Variants in KDM4C observed in about 807,000 individuals in gnomAD.
The protein encoded by KDM4C is lysine-specific demethylase 4C.
In KDM4C, 81 loss-of-function variants were observed where a neutral mutation model predicts 129.3. That is an observed-to-expected ratio of 0.63 (90% confidence interval 0.52 to 0.75). The LOEUF (loss-of-function observed/expected upper bound fraction) is 0.75, where lower values mean the gene tolerates loss of function less well. Ranked by LOEUF, KDM4C falls within the 30% of genes least tolerant of loss-of-function variation. The pLI is 0.00. For missense variants in KDM4C, 1,457 were observed against 1,304.0 expected (o/e 1.12, Z -1.81); for synonymous variants, 573 against 456.1 (o/e 1.26, Z -3.26).
Position 6,853,033 on chromosome 9 carries a change from G to T in KDM4C, c.629+3333G>T, listed in dbSNP as rs539500629. 5.3e-5 allele frequency among the ~76,000 whole-genome samples: 8 copies of T among 151,756 alleles called. No homozygotes were observed. In the East Asian group the frequency reaches 9.7e-4, roughly 18 times the overall value. On this transcript the variant is annotated intron_variant, in intron 5 of 21. Transcript: ENST00000381309. ...TAAGGTCCATGGTTTTGTTTTTTTT[G>T]TGTGTGTTTTTTTTTCACCTTTGAA...
chr9:7,149,075 C>T (rs1842481772), intron 19 of KDM4C, among the ~76,000 whole-genome samples: 1 of 152,236 alleles, frequency 6.6e-6, no homozygotes, highest in South Asian at 2.1e-4. Flanking sequence ...TTATGGCACC[C>T]AGGTTTTCTG....
chr9:7,029,707 G>T (rs901925673), intron 15 of KDM4C, among the ~76,000 whole-genome samples: 7 of 152,174 alleles, frequency 4.6e-5, no homozygotes, highest in South Asian at 2.1e-4. Context: ...GTTTCTTCCA[G>T]GACCTTTCGG....
intron 15 of KDM4C, among the ~76,000 whole-genome samples, chr9:7,031,627 A>G (rs1273885809): frequency 6.6e-6 from 1 of 152,216 alleles, no homozygotes; most frequent in Middle Eastern, 3.2e-3. Context: ...ATACACACAC[A>G]GATACATATA....
intron 1 of KDM4C, among the ~76,000 whole-genome samples, chr9:6,792,196 A>G (rs1045747218): frequency 1.3e-4 from 19 of 151,738 alleles, no homozygotes; most frequent in Non-Finnish European, 2.8e-4. Context: ...CAAAAAAGGT[A>G]GCCCGGCATG....
chr9:7,174,509 T>G, intron 21 of KDM4C, 44 bp from the exon 22 acceptor site: 1 of 1,590,234 alleles, frequency 6.3e-7, no homozygotes, highest in South Asian at 1.1e-5. Context: ...GTTCTGAAGA[T>G]CAAATGCCGT....
At chr9:7,145,293 A>G (rs1298236960) in intron 19 of KDM4C, among the ~76,000 whole-genome samples, 1 of 152,150 alleles carries the variant, frequency 6.6e-6, no homozygotes, top group Non-Finnish European at 1.5e-5. Flanking sequence ...GATCACTAGA[A>G]TGGGACTTGA....
chr9:6,729,659 T>C (rs1817257965), intron 1 of KDM4C, among the ~76,000 whole-genome samples: 1 of 135,298 alleles, frequency 7.4e-6, no homozygotes, highest in African/African-American at 3.1e-5. Flanking sequence ...TATGGAAATA[T>C]ACTTTTAGAG....
intron 9 of KDM4C, among the ~76,000 whole-genome samples, chr9:6,983,183 C>T (rs1396136743): frequency 2.6e-5 from 4 of 152,164 alleles, no homozygotes; most frequent in Non-Finnish European, 5.9e-5. Context: ...TATCGCAGGC[C>T]ACCCTATTCT....
intron 18 of KDM4C, among the ~76,000 whole-genome samples, chr9:7,110,006 A>T (rs1838141210): frequency 6.6e-6 from 1 of 152,160 alleles, no homozygotes; most frequent in Admixed American, 6.5e-5. Context: ...CTTCTGCCTG[A>T]GGCCTCCCCA....
At chr9:6,924,329 C>A (rs1243574878) in intron 8 of KDM4C, among the ~76,000 whole-genome samples, 1 of 152,116 alleles carries the variant, frequency 6.6e-6, no homozygotes, top group East Asian at 1.9e-4. Flanking sequence ...AGTCTCTTAC[C>A]TGTCTGCCCA....
chr9:6,815,607 G>C (rs1386662926), intron 4 of KDM4C, among the ~76,000 whole-genome samples: 1 of 152,154 alleles, frequency 6.6e-6, no homozygotes, highest in African/African-American at 2.4e-5. Flanking sequence ...CACTAGTACA[G>C]GTTAAGCATC....
At chr9:7,160,604 T>C (rs1250360464) in intron 19 of KDM4C, among the ~76,000 whole-genome samples, 1 of 152,208 alleles carries the variant, frequency 6.6e-6, no homozygotes, top group African/African-American at 2.4e-5. Context: ...TGCAGGTCTG[T>C]TGGAGTTTGC....
Position 6,984,268 on chromosome 9 carries a change from C to G in KDM4C, c.1218C>G (p.Val406=). The G allele has an allele frequency of 2.5e-6, 4 of 1,613,868 alleles. No homozygotes were observed. The highest frequency in any genetic ancestry group is 3.4e-6 in the Non-Finnish European group (4 of 1,179,834). The change falls in exon 10 of 22, where the codon GTC becomes GTG. Residue 406 remains valine (V), a synonymous_variant. Coordinates refer to ENST00000381309, the MANE Select transcript of KDM4C (RefSeq NM_015061.6). The stretch of plus-strand genomic sequence containing the variant: ...CAGAGGTCCCTAACCCCGACTCAGT[C>G]ACAGATGACCTCAAGGTCAGTGAAA... ...DGAEVPNPDS[V]TDDLKVSEKS...
chr9:6,733,867 G>T (rs1170626428), intron 1 of KDM4C, among the ~76,000 whole-genome samples: 2 of 152,134 alleles, frequency 1.3e-5, no homozygotes, highest in Non-Finnish European at 2.9e-5. Context: ...ACTTCCTGAT[G>T]TTGCCATAGC....
intron 3 of KDM4C, among the ~76,000 whole-genome samples, chr9:6,811,789 T>C (rs1051511136): frequency 6.6e-6 from 1 of 152,036 alleles, no homozygotes; most frequent in Non-Finnish European, 1.5e-5. Context: ...GAAGCCTGAG[T>C]TTAAACATGT....
chr9:6,900,793 T>C (rs2130970622), intron 8 of KDM4C, among the ~76,000 whole-genome samples: 1 of 152,320 alleles, frequency 6.6e-6, no homozygotes, highest in Middle Eastern at 3.4e-3. Flanking sequence ...GAGCAAAGGT[T>C]TTCTACCTTC....
chr9:7,016,946 C>T (rs981198126), intron 15 of KDM4C, among the ~76,000 whole-genome samples: 2 of 152,096 alleles, frequency 1.3e-5, no homozygotes, highest in African/African-American at 4.8e-5. Flanking sequence ...GTTTATTTTT[C>T]TCTTTTTGAG....
At chr9:6,771,581 G>A (rs897220267) in intron 1 of KDM4C, among the ~76,000 whole-genome samples, 3 of 152,094 alleles carry the variant, frequency 2.0e-5, no homozygotes, top group African/African-American at 7.2e-5. Context: ...AAAGTGCTGG[G>A]ATTACAGGTG....
At chr9:6,949,003 C>G (rs529682466) in intron 8 of KDM4C, among the ~76,000 whole-genome samples, 24 of 152,376 alleles carry the variant, frequency 1.6e-4, no homozygotes, top group African/African-American at 5.3e-4. Context: ...TTGGGTACAC[C>G]TCCCAGACGG....
Sources: allele counts gnomAD v4.1 joint callset (sites outside exome capture counted in the v4.1 genomes callset), GRCh38; gene constraint gnomAD v4.1.1; transcripts MANE v1.5; gene names NCBI Gene and HGNC (gene_info 2026-07-23, HGNC 2026-07-21).